The following AFTPH variants were observed in gnomAD, a reference collection of about 807,000 sequenced individuals.
The protein encoded by AFTPH is aftiphilin protein.
In AFTPH, 7 loss-of-function variants were observed where a neutral mutation model predicts 72.5. That is an observed-to-expected ratio of 0.10 (90% CI 0.05 to 0.18). AFTPH has a LOEUF of 0.18. Among genes scored for constraint, AFTPH ranks in the 10% least tolerant of loss-of-function variants. AFTPH has a pLI of 1.00. For synonymous variants in AFTPH, 337 were observed against 370.1 expected (o/e 0.91, Z 1.03); for missense variants, 979 against 1,060.5 (o/e 0.92, Z 1.07).
intron 1 of AFTPH, among the ~76,000 whole-genome samples, chr2:64,532,740 A>G (rs1250281505): frequency 6.6e-6 from 1 of 152,196 alleles, no homozygotes; most frequent in Middle Eastern, 3.2e-3. Context: ...GGCTGTAAAG[A>G]TGAATCTGAG....
At chr2:64,554,461 C>A (rs912244347) in intron 2 of AFTPH, among the ~76,000 whole-genome samples, 1 of 152,188 alleles carries the variant, frequency 6.6e-6, no homozygotes, top group East Asian at 1.9e-4. Context: ...TCAGAATCTA[C>A]AAACTTTATT....
chr2:64,585,599 C>T (rs1673457707), intron 8 of AFTPH, 54 bp downstream of exon 9: 1 of 1,544,110 alleles, frequency 6.5e-7, no homozygotes, highest in Non-Finnish European at 8.7e-7. Flanking sequence ...ATAAAACGAC[C>T]CAAAGGAAAA....
At chr2:64,534,874 G>A (rs1669804591) in intron 1 of AFTPH, among the ~76,000 whole-genome samples, 1 of 151,900 alleles carries the variant, frequency 6.6e-6, no homozygotes, top group Non-Finnish European at 1.5e-5. Context: ...TTTCCAAAAT[G>A]GAATTTCCCA....
chr2:64,557,293 T>C (rs1360555537), intron 2 of AFTPH, among the ~76,000 whole-genome samples: 2 of 152,202 alleles, frequency 1.3e-5, no homozygotes. Context: ...AATTGGTAAG[T>C]AATCTGTTTA....
chr2:64,571,135 A>G (rs894635004), intron 5 of AFTPH, among the ~76,000 whole-genome samples: 13 of 152,048 alleles, frequency 8.5e-5, no homozygotes, highest in Non-Finnish European at 1.6e-4. Context: ...TGAGATGTTC[A>G]ATAATCTTTT....
rs949444912 is a variant in AFTPH at position 64,538,112 on chromosome 2, T to G, written c.-32-13331T>G. 4.7e-5 allele frequency among the ~76,000 whole-genome samples: 7 copies of G among 149,990 alleles called. No homozygotes were observed. The East Asian group carries it at 1.4e-3, about 29-fold the overall frequency. On this transcript the variant is annotated intron_variant, in intron 1 of 8. Transcript: ENST00000238856. Reference sequence around the variant, plus strand: ...AAGGGTAAATACTGTTTGGCGAAACTTTTTTTTTTAAAATGTATGTTGGGT... The same window carrying G: ...AAGGGTAAATACTGTTTGGCGAAACGTTTTTTTTTAAAATGTATGTTGGGT...
At chr2:64,583,690 A>G (rs532444265) in intron 7 of AFTPH, among the ~76,000 whole-genome samples, 1 of 152,270 alleles carries the variant, frequency 6.6e-6, no homozygotes, top group Non-Finnish European at 1.5e-5. Flanking sequence ...TTACATTTTA[A>G]TTGCAACCCA....
intron 1 of AFTPH, among the ~76,000 whole-genome samples, chr2:64,549,642 T>C (rs1670908345): frequency 6.6e-6 from 1 of 152,118 alleles, no homozygotes; most frequent in Non-Finnish European, 1.5e-5. Context: ...TGTGGAACTT[T>C]TGACTCCTCA....
At chr2:64,544,846 A>G (rs1175292076) in intron 1 of AFTPH, among the ~76,000 whole-genome samples, 1 of 152,150 alleles carries the variant, frequency 6.6e-6, no homozygotes, top group Non-Finnish European at 1.5e-5. Context: ...GTCAGAGCCA[A>G]TACCTGCTGC....
intron 8 of AFTPH, among the ~76,000 whole-genome samples, chr2:64,586,032 G>T (rs1232615092): frequency 6.6e-6 from 1 of 152,108 alleles, no homozygotes. Flanking sequence ...AGGCTTTCTA[G>T]AAGCCCCTTC....
At position 64,553,309 on chromosome 2, in the gene AFTPH, T is replaced by C. The variant is rs370571980; in HGVS notation, c.1835T>C (p.Ile612Thr). ...CAGTCACATAGGACAGATGAAAATA[T>C]TGATACTCCAGGAACCCCCAAAACG... The change falls in exon 2 of 9, where the codon ATT becomes ACT. Residue 612 changes from isoleucine to threonine, a missense_variant. Around this residue, in one of 3 missense-constraint regions of AFTPH, gnomAD observed 438 missense variants for 530.0 expected, o/e 0.83. Transcript: ENST00000238856. The C allele has an allele frequency of 6.2e-6, 10 of 1,614,004 alleles. No individual in the cohort carries two copies. Among genetic ancestry groups the C allele is most frequent in the Non-Finnish European group, 8.5e-7 (1 of 1,180,020 alleles).
intron 2 of AFTPH, among the ~76,000 whole-genome samples, chr2:64,564,627 AT>A (rs1184618981): frequency 4.2e-4 from 61 of 146,020 alleles, no homozygotes; most frequent in African/African-American, 1.6e-3. Flanking sequence ...AAAATAAAAA[AT>A]AAAAAATAAA....
chr2:64,584,308 G>A (rs560310218), intron 7 of AFTPH, among the ~76,000 whole-genome samples: 66 of 152,024 alleles, frequency 4.3e-4, no homozygotes, highest in Middle Eastern at 3.4e-3. Context: ...AATACACAAA[G>A]TTATATGTAT....
chr2:64,580,487 T>C (rs1045054320), intron 7 of AFTPH: 8 of 152,450 alleles, frequency 5.2e-5, no homozygotes, highest in South Asian at 2.1e-4. Context: ...AAGCATCCAA[T>C]TGAATTAATA....
chr2:64,546,056 C>A (rs1400636643), intron 1 of AFTPH, among the ~76,000 whole-genome samples: 1 of 151,946 alleles, frequency 6.6e-6, no homozygotes, highest in East Asian at 1.9e-4. Flanking sequence ...CCACGCCTGG[C>A]TAATTTTTGT....
At chr2:64,591,776 A>G in intron 8 of AFTPH, 112 bp from the exon 10 acceptor site, 2 of 1,187,664 alleles carry the variant, frequency 1.7e-6, no homozygotes, top group Non-Finnish European at 1.2e-6. Context: ...AGAGGAAAAA[A>G]TACTCAAGTC....
intron 1 of AFTPH, among the ~76,000 whole-genome samples, chr2:64,535,815 G>A (rs1010665564): frequency 1.3e-5 from 2 of 152,210 alleles, no homozygotes; most frequent in African/African-American, 2.4e-5. Flanking sequence ...GAATCCAGAG[G>A]TAATTTTGTC....
intron 1 of AFTPH, among the ~76,000 whole-genome samples, chr2:64,526,540 T>C (rs1357061562): frequency 2.0e-5 from 3 of 152,240 alleles, no homozygotes; most frequent in African/African-American, 7.2e-5. Context: ...AATAAAGGTT[T>C]TTCCCTCTAT....
intron 8 of AFTPH, among the ~76,000 whole-genome samples, chr2:64,589,462 G>A: frequency 6.6e-6 from 1 of 152,156 alleles, no homozygotes; most frequent in East Asian, 1.9e-4. Flanking sequence ...CACTGCCTTT[G>A]AGAAATGATC....
Sources: allele counts gnomAD v4.1 joint callset (sites outside exome capture counted in the v4.1 genomes callset), GRCh38; gene constraint gnomAD v4.1.1; regional missense constraint gnomAD v4.1.1; transcripts MANE v1.5; gene names NCBI Gene and HGNC (gene_info 2026-07-23, HGNC 2026-07-21).